The following DOP1B variants were observed in gnomAD, a reference collection of about 807,000 sequenced individuals.
The protein encoded by DOP1B is protein DOP1B.
Under a neutral mutation model 233.5 loss-of-function variants are expected in DOP1B, and 174 were observed. The observed-to-expected ratio is 0.75, with a 90% CI of 0.66 to 0.85. DOP1B has a LOEUF of 0.85. Ranked by LOEUF, DOP1B falls within the 40% of genes least tolerant of loss-of-function variation. The probability of loss-of-function intolerance (pLI) is 0.00; values close to 1 mark genes in which losing one functional copy is unlikely to be tolerated. For synonymous variants in DOP1B, 1,190 were observed against 1,185.6 expected (o/e 1.00, Z -0.08); for missense variants, 2,652 against 2,846.6 (o/e 0.93, Z 1.56).
Position 36,230,990 on chromosome 21 carries a change from G to C in DOP1B, c.2206G>C (p.Val736Leu), listed in dbSNP as rs772505301. 6.2e-7 allele frequency: 1 copy of C among 1,614,208 alleles called. No individual in the cohort carries two copies. ...GGGAGAATGGGATGTTGAGAAGGTGGTCATTGACCTGGGGGGTTCCAGGGA... is the reference window on the plus strand; with the variant it reads ...GGGAGAATGGGATGTTGAGAAGGTGCTCATTGACCTGGGGGGTTCCAGGGA... ...NGGEWDVEKV[V>L]IDLGGSREER... Residue 736 changes from valine to leucine, a missense_variant, in exon 14 of 37, where the codon GTC (valine) becomes CTC (leucine). Val to Leu is a conservative substitution (Grantham distance 32, BLOSUM62 1). Around this residue, in one of 3 missense-constraint regions of DOP1B, gnomAD observed 2,617 missense variants for 2,794.3 expected, o/e 0.94. Transcript: ENST00000691173.
chr21:36,211,827 G>A, intron 6 of DOP1B, 147 bp from the exon 7 acceptor site: 1 of 1,344,890 alleles, frequency 7.4e-7, no homozygotes, highest in Admixed American at 1.9e-5. Flanking sequence ...TGCACGTATT[G>A]AATAGCTTCT....
intron 23 of DOP1B, 70 bp downstream of exon 23, chr21:36,253,979 T>G: frequency 6.5e-7 from 1 of 1,539,312 alleles, no homozygotes; most frequent in Non-Finnish European, 8.8e-7. Context: ...CTCTACTTCC[T>G]TATAAATCGT....
Position 36,214,449 on chromosome 21 carries a change from C to T in DOP1B, c.1022C>T (p.Ala341Val), listed in dbSNP as rs2066537122. 3.7e-6 allele frequency: 6 copies of T among 1,611,820 alleles called. No homozygotes were observed. Among genetic ancestry groups the T allele is most frequent in the Non-Finnish European group, 5.1e-6 (6 of 1,179,436 alleles). The change falls in exon 9 of 37, where the codon GCT (alanine) becomes GTT (valine). Residue 341 changes from alanine (A) to valine (V), a missense_variant. Physicochemically the swap from Ala to Val is moderately conservative, Grantham distance 64 (BLOSUM62 0). This residue lies in a region of DOP1B where 2,617 missense variants were observed against 2,794.3 expected (regional missense o/e 0.94). Coordinates refer to ENST00000691173, the MANE Select transcript of DOP1B (RefSeq NM_001320714.2). ...YSKDLLVEGL[A>V]EILHQKFIDA... ...GCTTTTTTTAAATAATAGGGTTTGG[C>T]TGAGATATTGCATCAGAAGTTCATA... is the stretch of plus-strand genomic sequence containing the variant.
intron 10 of DOP1B, among the ~76,000 whole-genome samples, chr21:36,220,743 A>C (rs1025902586): frequency 2.7e-5 from 4 of 150,270 alleles, no homozygotes; most frequent in Non-Finnish European, 5.9e-5. Context: ...GAGCTCAAGC[A>C]ATCTGCCCAC....
At chr21:36,165,006 TTTATA>T (rs1461444477) in intron 2 of DOP1B, 135 bp downstream of exon 2, 2 of 754,042 alleles carry the variant, frequency 2.7e-6, no homozygotes, top group African/African-American at 3.7e-5. Context: ...CAGTATAATC[TTTATA>T]TTATTTCAAG....
At chr21:36,290,289 C>G (rs1165354176) in intron 35 of DOP1B, among the ~76,000 whole-genome samples, 1 of 152,236 alleles carries the variant, frequency 6.6e-6, no homozygotes, top group Non-Finnish European at 1.5e-5. Flanking sequence ...CTTTAGGAGG[C>G]TGAGGCGGGT....
intron 30 of DOP1B, 118 bp downstream of exon 30, chr21:36,278,473 CA>C: frequency 9.5e-7 from 1 of 1,054,848 alleles, no homozygotes; most frequent in Admixed American, 2.6e-5. Context: ...ACCCAAATAA[CA>C]GGACGTCCCT....
Position 36,292,250 on chromosome 21 carries a change from T to C in DOP1B, c.6645+17T>C. On this transcript the variant is annotated intron_variant, in intron 36 of 36. Transcript: ENST00000691173. Reference sequence around the variant, plus strand: ...AAGTTTGGGGTAAGTGCTTTTCTTTTCTTTTCTTTTTTTTTTTTTTTGGTG... The same window carrying C: ...AAGTTTGGGGTAAGTGCTTTTCTTTCCTTTTCTTTTTTTTTTTTTTTGGTG... The C allele has an allele frequency of 6.5e-7, 1 of 1,544,526 alleles. No homozygotes were observed. The highest frequency in any genetic ancestry group is 2.3e-5 in the East Asian group (1 of 43,888).
intron 34 of DOP1B, 42 bp downstream of exon 34, chr21:36,288,853 A>G: frequency 6.5e-7 from 1 of 1,545,688 alleles, no homozygotes; most frequent in Non-Finnish European, 8.9e-7. Context: ...AAAGATAGTC[A>G]CGATTAAAGC....
chr21:36,165,007 T>G (rs2065895677), intron 2 of DOP1B, 136 bp downstream of exon 2: 2 of 748,226 alleles, frequency 2.7e-6, no homozygotes, highest in Middle Eastern at 4.9e-4. Flanking sequence ...AGTATAATCT[T>G]TATATTATTT....
chr21:36,206,006 G>A (rs1415898896), intron 4 of DOP1B, among the ~76,000 whole-genome samples: 4 of 82,410 alleles, frequency 4.9e-5, no homozygotes, highest in East Asian at 2.8e-4. Context: ...GTGAAACTCC[G>A]TCTCAAAAAA....
At chr21:36,178,273 T>G (rs745801372) in intron 2 of DOP1B, among the ~76,000 whole-genome samples, 1 of 152,100 alleles carries the variant, frequency 6.6e-6, no homozygotes, top group Non-Finnish European at 1.5e-5. Context: ...GGTGGATCAC[T>G]TGAGCCCAGG....
intron 2 of DOP1B, among the ~76,000 whole-genome samples, 162 bp from the exon 3 acceptor site, chr21:36,198,908 T>C (rs531937154): frequency 6.6e-6 from 1 of 152,324 alleles, no homozygotes; most frequent in Non-Finnish European, 1.5e-5. Context: ...AGAGCTGCTG[T>C]GGACTCTCGC....
intron 24 of DOP1B, chr21:36,260,994 G>T: frequency 8.3e-7 from 1 of 1,209,952 alleles, no homozygotes; most frequent in African/African-American, 1.6e-5. Context: ...AACTTTAAAA[G>T]GCTTGGATTT....
intron 7 of DOP1B, among the ~76,000 whole-genome samples, chr21:36,213,220 T>G (rs1443334528): frequency 1.3e-5 from 2 of 152,192 alleles, no homozygotes; most frequent in Non-Finnish European, 2.9e-5. Flanking sequence ...GTAGGCTCTT[T>G]AAGGATTTGT....
chr21:36,286,936 C>T (rs2067491577), intron 32 of DOP1B, among the ~76,000 whole-genome samples: 1 of 151,678 alleles, frequency 6.6e-6, no homozygotes, highest in Admixed American at 6.6e-5. Context: ...TGCCCTCTAG[C>T]CTGGGCAACA....
In DOP1B at chr21:36,246,637, G is replaced by A. The variant is rs768144494; in HGVS notation, c.4657G>A (p.Val1553Ile). Residue 1553 changes from valine to isoleucine, a missense_variant, in exon 19 of 37, where the codon GTC (valine) becomes ATC (isoleucine). By Grantham distance (29) the Val-to-Ile change is conservative. This residue lies in a region of DOP1B where 2,617 missense variants were observed against 2,794.3 expected (regional missense o/e 0.94). Transcript: ENST00000691173. The surrounding 1 kb of genome is among the most constrained non-coding windows in gnomAD (Gnocchi z 5.1). Reference protein sequence around the residue: ...VQICKNLDDLVKQYESESVKL... With the variant: ...VQICKNLDDLIKQYESESVKL... ...GATTTGCAAAAACTTGGATGACTTGGTCAAGCAGTATGAAAGCGAATCTGT... is the reference window on the plus strand; with the variant it reads ...GATTTGCAAAAACTTGGATGACTTGATCAAGCAGTATGAAAGCGAATCTGT... 3.7e-6 allele frequency: 6 copies of A among 1,613,890 alleles called. No individual in the cohort carries two copies. The Admixed American group carries it at 1.0e-4, about 27-fold the overall frequency.
chr21:36,292,262 T>C (rs755093309), intron 36 of DOP1B, 29 bp downstream of exon 36: 38 of 1,538,114 alleles, frequency 2.5e-5, no homozygotes, highest in Non-Finnish European at 3.3e-5. Flanking sequence ...TTTTCTTTTT[T>C]TTTTTTTTTG....
At chr21:36,170,051 T>C in intron 2 of DOP1B, 1 of 717,586 alleles carries the variant, frequency 1.4e-6, no homozygotes, top group Non-Finnish European at 2.6e-6. Flanking sequence ...AGGAAGGCTG[T>C]GACGTTGACC....
Sources: gnomAD v4.1 joint callset for allele counts (sites outside exome capture counted in the v4.1 genomes callset) on GRCh38, gnomAD v4.1.1 for gene constraint, gnomAD v4.1.1 regional missense constraint, Gnocchi (gnomAD v3.1) non-coding constraint, MANE v1.5 for transcripts, NCBI Gene and HGNC (gene_info 2026-07-23, HGNC 2026-07-21) for gene names.